Variants in ASIC2 observed in about 807,000 individuals in gnomAD.
ASIC2 encodes acid-sensing ion channel 2.
Under a neutral mutation model 57.3 loss-of-function variants are expected in ASIC2, and 25 were observed. That is an observed-to-expected ratio of 0.44 (90% CI 0.32 to 0.61). The LOEUF is 0.61. ASIC2 is among the 20% of genes least tolerant of loss of function. ASIC2 has a pLI of 0.06. For synonymous variants in ASIC2, 319 were observed against 307.5 expected (o/e 1.04, Z -0.39); for missense variants, 641 against 738.1 (o/e 0.87, Z 1.52).
At chr17:33,819,329 A>C (rs916691042) in intron 1 of ASIC2, among the ~76,000 whole-genome samples, 7 of 152,228 alleles carry the variant, frequency 4.6e-5, no homozygotes, top group African/African-American at 1.7e-4. Flanking sequence ...GCTCATGGGC[A>C]AGCTGCCTAA....
At chr17:33,401,708 C>A (rs892439560) in intron 1 of ASIC2, among the ~76,000 whole-genome samples, 1 of 152,128 alleles carries the variant, frequency 6.6e-6, no homozygotes, top group African/African-American at 2.4e-5. Context: ...ACCATAAAAT[C>A]TTTGTTCGCT....
At chr17:34,116,557 G>C (rs1371908634) in intron 1 of ASIC2, among the ~76,000 whole-genome samples, 3 of 152,132 alleles carry the variant, frequency 2.0e-5, no homozygotes, top group Non-Finnish European at 4.4e-5. Context: ...GTCAGGGGGT[G>C]GCAGTCAGGC....
At chr17:33,701,035 A>T (rs12938529) in intron 1 of ASIC2, among the ~76,000 whole-genome samples, 2 of 152,240 alleles carry the variant, frequency 1.3e-5, no homozygotes, top group African/African-American at 4.8e-5. Context: ...GGAGAAAGGC[A>T]TAAAGTCACT....
intron 1 of ASIC2, among the ~76,000 whole-genome samples, chr17:33,155,990 A>G (rs963159043): frequency 6.6e-6 from 1 of 152,192 alleles, no homozygotes; most frequent in African/African-American, 2.4e-5. Flanking sequence ...TTCTGGCTCT[A>G]CCACTTAGCA....
At chr17:33,698,237 A>G (rs1018036960) in intron 1 of ASIC2, among the ~76,000 whole-genome samples, 3 of 152,142 alleles carry the variant, frequency 2.0e-5, no homozygotes, top group Non-Finnish European at 2.9e-5. Flanking sequence ...TTAAGTGTGG[A>G]TACAATTGCC....
At chr17:33,638,531 C>T (rs1906446626) in intron 1 of ASIC2, among the ~76,000 whole-genome samples, 1 of 152,156 alleles carries the variant, frequency 6.6e-6, no homozygotes, top group South Asian at 2.1e-4. Flanking sequence ...CATATGCACA[C>T]CATTTGCATG....
Position 33,292,266 on chromosome 17 carries a change from G to C in ASIC2, c.-151C>G, listed in dbSNP as rs1335192829. The C allele has an allele frequency of 2.0e-6, 2 of 992,040 alleles. No homozygotes were observed. The highest frequency in any genetic ancestry group is 2.4e-6 in the Non-Finnish European group (2 of 835,832). 61.5% of individuals were successfully genotyped at this position (992,040 alleles called of 1,614,324 possible). ...CGCCCGAAAGGAGCTCCGGTGGCGC[G>C]GCATGCCCGCCCGGCGCCGCCGCTG... On this transcript the variant is annotated 5_prime_UTR_variant, in exon 1 of 10. Coordinates refer to ENST00000225823, the MANE Select transcript of ASIC2 (RefSeq NM_183377.2).
intron 1 of ASIC2, among the ~76,000 whole-genome samples, chr17:34,015,545 C>G (rs566199048): frequency 5.3e-5 from 8 of 152,348 alleles, no homozygotes; most frequent in African/African-American, 1.4e-4. Context: ...TCTCCTATCT[C>G]AGAGGCTGCT....
chr17:33,476,547 GTGTGTGTGT>G (rs1913234233), intron 1 of ASIC2, among the ~76,000 whole-genome samples: 51 of 89,526 alleles, frequency 5.7e-4, no homozygotes, highest in African/African-American at 1.9e-3. Flanking sequence ...GTACAGGGGT[GTGTGTGTGT>G]GTGTGTGTGT....
intron 1 of ASIC2, among the ~76,000 whole-genome samples, chr17:33,524,283 C>T (rs1485466538): frequency 3.3e-5 from 5 of 152,204 alleles, no homozygotes; most frequent in East Asian, 1.9e-4. Flanking sequence ...CCTTTTTAGC[C>T]TTCCCAGTAC....
At chr17:33,362,694 T>C (rs1279344069) in intron 1 of ASIC2, among the ~76,000 whole-genome samples, 1 of 152,220 alleles carries the variant, frequency 6.6e-6, no homozygotes, top group African/African-American at 2.4e-5. Flanking sequence ...CACTGACCCT[T>C]GTGCCTCTCC....
intron 1 of ASIC2, among the ~76,000 whole-genome samples, chr17:33,799,148 C>T (rs1442539876): frequency 1.3e-5 from 2 of 152,170 alleles, no homozygotes. Flanking sequence ...GACTTGTTAC[C>T]TTTACGCCTA....
chr17:34,034,185 T>C (rs1458680156), intron 1 of ASIC2, among the ~76,000 whole-genome samples: 1 of 152,180 alleles, frequency 6.6e-6, no homozygotes, highest in Admixed American at 6.5e-5. Context: ...GCTTCATCCC[T>C]GGAATGCAAG....
chr17:33,442,042 C>G (rs1332277372), intron 1 of ASIC2, among the ~76,000 whole-genome samples: 1 of 152,146 alleles, frequency 6.6e-6, no homozygotes, highest in South Asian at 2.1e-4. Context: ...TACTTCCCCC[C>G]CAAATTGATT....
intron 1 of ASIC2, among the ~76,000 whole-genome samples, chr17:34,117,979 A>G (rs1057342297): frequency 1.3e-5 from 2 of 152,198 alleles, no homozygotes; most frequent in Non-Finnish European, 2.9e-5. Flanking sequence ...TCTCTAGTGC[A>G]ACTTCTTAGC....
chr17:33,803,277 C>T (rs1205162128), intron 1 of ASIC2, among the ~76,000 whole-genome samples: 1 of 151,014 alleles, frequency 6.6e-6, no homozygotes, highest in Non-Finnish European at 1.5e-5. Flanking sequence ...TGGTTCTTCA[C>T]TTCTATAAAT....
At chr17:33,418,024 ATG>A (rs57341033) in intron 1 of ASIC2, among the ~76,000 whole-genome samples, 10,091 of 110,110 alleles carry the variant, frequency 0.092, 450 homozygotes, top group African/African-American at 0.12. Context: ...CTCAGCATGT[ATG>A]TATGTGTGTG....
chr17:33,374,502 A>G (rs1184916739), intron 1 of ASIC2, among the ~76,000 whole-genome samples: 2 of 152,142 alleles, frequency 1.3e-5, no homozygotes, highest in African/African-American at 4.8e-5. Flanking sequence ...TTATCCGTAA[A>G]AACCCTAAGC....
chr17:33,376,071 G>A (rs1909266104), intron 1 of ASIC2, among the ~76,000 whole-genome samples: 1 of 152,116 alleles, frequency 6.6e-6, no homozygotes, highest in African/African-American at 2.4e-5. Context: ...GGAATTGTTA[G>A]TATATGTTTG....
Sources: allele counts gnomAD v4.1 joint callset (sites outside exome capture counted in the v4.1 genomes callset), GRCh38; gene constraint gnomAD v4.1.1; transcripts MANE v1.5; gene names NCBI Gene and HGNC (gene_info 2026-07-23, HGNC 2026-07-21).